The following RNASEH1 variants were observed in gnomAD, a reference collection of about 807,000 sequenced individuals.
The protein encoded by RNASEH1 is ribonuclease H type II.
Under a neutral mutation model 34.6 loss-of-function variants are expected in RNASEH1, and 27 were observed. The observed-to-expected ratio is 0.78, with a 90% CI of 0.58 to 1.08. The LOEUF (loss-of-function observed/expected upper bound fraction) is 1.08. Among genes scored for constraint, RNASEH1 ranks in the 50% least tolerant of loss-of-function variants. The pLI is 0.00. For missense variants in RNASEH1, 349 were observed against 373.6 expected (o/e 0.93, Z 0.54); for synonymous variants, 162 against 138.4 (o/e 1.17, Z -1.20).
Position 3,552,129 on chromosome 2 carries a change from C to A in RNASEH1, c.409+15G>T. On this transcript the variant is annotated intron_variant, in intron 3 of 7. Transcript: ENST00000315212. ...GACTGTGGTATTAAAATCTGAAAAC[C>A]CAAGGAAGATGTACCCATGTAGGAA... 6.3e-7 allele frequency: 1 copy of A among 1,597,068 alleles called. No homozygotes were observed. The highest frequency in any genetic ancestry group is 1.3e-5 in the African/African-American group (1 of 74,104).
At chr2:3,538,412 ACC>A (rs1435066490), downstream of RNASEH1, among the ~76,000 whole-genome samples, 1 of 151,746 alleles carries the variant, frequency 6.6e-6, no homozygotes, top group Non-Finnish European at 1.5e-5. Context: ...AAAGACGCAC[ACC>A]CCAGCAAGTC....
At chr2:3,551,767 A>C (rs558807936) in intron 3 of RNASEH1, among the ~76,000 whole-genome samples, 1 of 152,318 alleles carries the variant, frequency 6.6e-6, no homozygotes, top group Admixed American at 6.5e-5. Flanking sequence ...TTGTTTTCCA[A>C]AGATTGAATA....
chr2:3,545,084 CT>C lies in RNASEH1; in HGVS notation c.*700del, dbSNP rs770327384. ...GCCACTGTGCCCAGCCGGTGTCTTA[CT>C]TTTTTTTTTTTTTTTTTAATTTGCA... On this transcript the variant is annotated 3_prime_UTR_variant, in exon 8 of 8. Coordinates refer to ENST00000315212, the MANE Select transcript of RNASEH1 (RefSeq NM_002936.6). The C allele has an allele frequency of 0.015, 2,032 of 132,352 alleles. 27 individuals are homozygous for C. The highest frequency in any genetic ancestry group is 0.057 in the East Asian group (258 of 4,514). 8.2% of individuals were successfully genotyped at this position (132,352 alleles called of 1,614,324 possible). A position where few individuals can be genotyped will look rare whatever the true frequency, so the allele number is the denominator to read the frequency against.
chr2:3,556,668 T>C lies in RNASEH1; in HGVS notation c.244+121A>G, dbSNP rs1039413180. 2.0e-5 allele frequency: 13 copies of C among 645,474 alleles called. 1 individual carries two copies. In the South Asian group the frequency reaches 2.3e-4, roughly 11 times the overall value. The allele number at this position is 645,474 out of a possible 1,614,324, so 40.0% of individuals were successfully genotyped here. On this transcript the variant is annotated intron_variant, in intron 2 of 7. Coordinates refer to ENST00000315212, the MANE Select transcript of RNASEH1 (RefSeq NM_002936.6). ...TCAGTCTGTTCCCTAATTTGTAAAA[T>C]GAAAACAATCACACGAGGTTCCCTA...
downstream of RNASEH1, among the ~76,000 whole-genome samples, chr2:3,537,377 T>G (rs1668039457): frequency 1.3e-5 from 2 of 152,136 alleles, no homozygotes; most frequent in Non-Finnish European, 2.9e-5. Flanking sequence ...TTCGAATATT[T>G]TTTATCAAAT....
chr2:3,540,410 CTTTTGTT>C (rs1273290869), downstream of RNASEH1, among the ~76,000 whole-genome samples: 1 of 151,932 alleles, frequency 6.6e-6, no homozygotes, highest in Non-Finnish European at 1.5e-5. Flanking sequence ...ACTGACATCA[CTTTTGTT>C]TTTTGTTTTG....
chr2:3,555,574 G>A (rs1333026618), intron 2 of RNASEH1, among the ~76,000 whole-genome samples: 1 of 152,190 alleles, frequency 6.6e-6, no homozygotes, highest in Non-Finnish European at 1.5e-5. Flanking sequence ...ACGATGATTC[G>A]AAGGAGCAGT....
intron 4 of RNASEH1, among the ~76,000 whole-genome samples, chr2:3,549,702 C>G (rs193182862): frequency 2.8e-4 from 42 of 151,602 alleles, no homozygotes; most frequent in African/African-American, 9.4e-4. Context: ...AAGGACTCCT[C>G]TTGGGAGGCC....
chr2:3,552,013 A>G (rs1659968415), intron 3 of RNASEH1, 131 bp downstream of exon 3: 2 of 706,760 alleles, frequency 2.8e-6, no homozygotes, highest in East Asian at 2.7e-5. Flanking sequence ...TGATTTCTAA[A>G]TAATCTTTAC....
rs765127000 is a variant in RNASEH1 at position 3,544,298 on chromosome 2, G to A, written c.*1487C>T. Among the ~76,000 whole-genome samples the A allele has an allele frequency of 2.0e-5, 3 of 152,120 alleles. No homozygotes were observed. The highest frequency in any genetic ancestry group is 6.5e-5 in the Admixed American group (1 of 15,276). ...CAAGCCTCTGGACCCAGCTGCCAAT[G>A]TGCAGGAAACATAGAGGACCATGCT... is the stretch of plus-strand genomic sequence containing the variant. On this transcript the variant is annotated 3_prime_UTR_variant, in exon 8 of 8. Coordinates refer to ENST00000315212, the MANE Select transcript of RNASEH1 (RefSeq NM_002936.6).
chr2:3,534,963 T>G, the RNASEH1 span, among the ~76,000 whole-genome samples: 3 of 152,134 alleles, frequency 2.0e-5, no homozygotes, highest in Admixed American at 2.0e-4. Flanking sequence ...GTCACATTCA[T>G]AGAGATGGAA....
the RNASEH1 span, among the ~76,000 whole-genome samples, chr2:3,532,886 C>T: frequency 6.6e-6 from 1 of 152,170 alleles, no homozygotes; most frequent in Non-Finnish European, 1.5e-5. Context: ...TGGGAGGCAC[C>T]GCACTAAGGG....
In RNASEH1 at chr2:3,541,503, GTAAA is replaced by G. The variant is rs1170337394; in HGVS notation, c.*4278_*4281del. On this transcript the variant is annotated 3_prime_UTR_variant, in exon 8 of 8. Transcript: ENST00000315212. The stretch of plus-strand genomic sequence containing the variant: ...AAATAATCGAAATATCGGTCAACAG[GTAAA>G]TAAATAAACTGTGGTATATCCATGC... Among the ~76,000 whole-genome samples the G allele has an allele frequency of 5.9e-5, 9 of 152,212 alleles. No individual in the cohort carries two copies. The highest frequency in any genetic ancestry group is 2.1e-4 in the South Asian group (1 of 4,814).
chr2:3,536,420 C>T, the RNASEH1 span, among the ~76,000 whole-genome samples: 4,852 of 152,036 alleles, frequency 0.032, 114 homozygotes, highest in Middle Eastern at 0.092. Context: ...TCCACCCCTC[C>T]GAGTCCCCTC....
In RNASEH1 at chr2:3,550,368, C is replaced by T. The variant is rs764892693; in HGVS notation, c.509+5G>A. On this transcript the variant is annotated splice_donor_5th_base_variant and intron_variant, in intron 4 of 7. Transcript: ENST00000315212. ...TTCAGTAAAACTCAGCTTCGTTTAACTTACAAAGGATGGCCTGGCCCCCAG... is the reference window on the plus strand; with the variant it reads ...TTCAGTAAAACTCAGCTTCGTTTAATTTACAAAGGATGGCCTGGCCCCCAG... The T allele has an allele frequency of 2.5e-6, 4 of 1,609,426 alleles. No homozygotes were observed. In the Admixed American group the frequency reaches 5.0e-5, roughly 20 times the overall value.
Position 3,553,534 on chromosome 2 carries a change from C to T in RNASEH1, c.245-1226G>A, listed in dbSNP as rs557256870. 3.0e-4 allele frequency among the ~76,000 whole-genome samples: 45 copies of T among 151,662 alleles called. 2 individuals are homozygous for T. The South Asian group carries it at 8.8e-3, about 30-fold the overall frequency. On this transcript the variant is annotated intron_variant, in intron 2 of 7. Transcript: ENST00000315212. The stretch of plus-strand genomic sequence containing the variant: ...CCTCCCAAGTAGCTGGGATTACAGG[C>T]ACCCACCACCACACCCAGCTAATTT...
intron 2 of RNASEH1, among the ~76,000 whole-genome samples, chr2:3,556,179 A>G (rs1360318266): frequency 6.6e-6 from 1 of 152,198 alleles, no homozygotes; most frequent in Non-Finnish European, 1.5e-5. Flanking sequence ...CAAGGAAAAA[A>G]AAAAAGAAGA....
chr2:3,552,231 G>T lies in RNASEH1; in HGVS notation c.322C>A (p.His108Asn), dbSNP rs377344909. The part of the protein sequence containing the change: ...RLREPLDGDG[H>N]ESAEPYAKHM... The stretch of plus-strand genomic sequence containing the variant: ...TTTGCATACGGCTCTGCGCTTTCAT[G>T]TCCATCTCCATCCAGTGGCTCACGG... Residue 108 changes from histidine (H) to asparagine (N), a missense_variant, in exon 3 of 8, where the codon CAT (histidine) becomes AAT (asparagine). Coordinates refer to ENST00000315212, the MANE Select transcript of RNASEH1 (RefSeq NM_002936.6). 1.2e-6 allele frequency: 2 copies of T among 1,613,684 alleles called. No individual in the cohort carries two copies. The highest frequency in any genetic ancestry group is 2.7e-5 in the African/African-American group (2 of 74,902).
At position 3,545,336 on chromosome 2, in the gene RNASEH1, G is replaced by C. The variant is rs1668650093; in HGVS notation, c.*449C>G. 1 of 177,114 alleles carries C rather than the reference G, an allele frequency of 5.6e-6. No homozygotes were observed. Among genetic ancestry groups the C allele is most frequent in the Non-Finnish European group, 1.2e-5 (1 of 82,062 alleles). The allele number at this position is 177,114 out of a possible 1,614,324, so 11.0% of individuals were successfully genotyped here. A position where few individuals can be genotyped will look rare whatever the true frequency, so the allele number is the denominator to read the frequency against. ...GCCCTGGGCAGCATGTTCCTTTAAT[G>C]TACCCATGGGCACAAGTCACCTATA... On this transcript the variant is annotated 3_prime_UTR_variant, in exon 8 of 8. Transcript: ENST00000315212.
Sources: gnomAD v4.1 joint callset for allele counts (sites outside exome capture counted in the v4.1 genomes callset) on GRCh38, gnomAD v4.1.1 for gene constraint, MANE v1.5 for transcripts, NCBI Gene and HGNC (gene_info 2026-07-23, HGNC 2026-07-21) for gene names.